MRPL21: variants seen among roughly 807,000 people sequenced by gnomAD.
MRPL21 encodes large ribosomal subunit protein bL21m.
Under a neutral mutation model 27.3 loss-of-function variants are expected in MRPL21, and 20 were observed. That is an observed-to-expected ratio of 0.73 (90% CI 0.52 to 1.06). The LOEUF (loss-of-function observed/expected upper bound fraction) is 1.06, where lower values mean the gene tolerates loss of function less well. Ranked by LOEUF, MRPL21 falls within the 50% of genes least tolerant of loss-of-function variation. The pLI is 0.00. For synonymous variants in MRPL21, 98 were observed against 101.5 expected, an observed-to-expected ratio of 0.97 and a Z score of 0.21; for missense variants, 249 against 251.4, an observed-to-expected ratio of 0.99 and a Z score of 0.06.
At chr11:68,900,996 C>A (rs1319787321) in intron 1 of MRPL21, among the ~76,000 whole-genome samples, 1 of 152,224 alleles carries the variant, frequency 6.6e-6, no homozygotes, top group African/African-American at 2.4e-5. Context: ...GTGTGTCCAA[C>A]AGCTAGTGAC....
In MRPL21 at chr11:68,903,787, GAC is replaced by G; in HGVS notation, c.22_23del (p.Val8HisfsTer45). 1 of 1,606,842 alleles carries G rather than the reference GAC, an allele frequency of 6.2e-7. No individual in the cohort carries two copies. Among genetic ancestry groups the G allele is most frequent in the Non-Finnish European group, 8.5e-7 (1 of 1,176,520 alleles). On this transcript the variant is annotated frameshift_variant, in exon 1 of 7. Coordinates refer to ENST00000362034, the MANE Select transcript of MRPL21 (RefSeq NM_181514.2). LOFTEE classifies it high-confidence loss of function. ...ACGCGGACGCCAGCCGCCCTAAGGT[GAC>G]CGTCAGGGAAGATGCTGCCATGGCC... The part of the protein sequence containing the change: MAASSLT[V>X]TLGRLASACS...
At chr11:68,896,446 G>C in intron 4 of MRPL21, 69 bp downstream of exon 4, 1 of 1,569,122 alleles carries the variant, frequency 6.4e-7, no homozygotes, top group Non-Finnish European at 8.7e-7. Context: ...CTCCGTGTGA[G>C]CTGGGGCGTG....
chr11:68,896,418 G>C (rs1449121229), intron 4 of MRPL21, 97 bp downstream of exon 4: 1 of 1,443,996 alleles, frequency 6.9e-7, no homozygotes, highest in Non-Finnish European at 9.5e-7. Context: ...CCTGAGACGG[G>C]GTCGGCGAGG....
At chr11:68,901,002 G>C (rs1428253766) in intron 1 of MRPL21, among the ~76,000 whole-genome samples, 2 of 152,188 alleles carry the variant, frequency 1.3e-5, no homozygotes, top group Non-Finnish European at 2.9e-5. Context: ...CCAACAGCTA[G>C]TGACAGACAT....
intron 4 of MRPL21, among the ~76,000 whole-genome samples, chr11:68,894,333 T>G (rs1051232008): frequency 8.5e-5 from 13 of 152,166 alleles, no homozygotes; most frequent in Admixed American, 2.0e-4. Context: ...CAGGCTGGAG[T>G]GCAGTGGCGT....
At chr11:68,896,807 C>T in intron 3 of MRPL21, 129 bp from the exon 4 acceptor site, 2 of 1,261,856 alleles carry the variant, frequency 1.6e-6, no homozygotes, top group Non-Finnish European at 2.2e-6. Flanking sequence ...GTGAGCACCT[C>T]ACTGCTGGCG....
intron 3 of MRPL21, 34 bp from the exon 4 acceptor site, chr11:68,896,712 C>T (rs917238409): frequency 1.2e-6 from 2 of 1,611,158 alleles, no homozygotes; most frequent in Non-Finnish European, 1.7e-6. Context: ...GGCAGTCACC[C>T]TCACCTGCTC....
intron 1 of MRPL21, among the ~76,000 whole-genome samples, chr11:68,903,187 T>C (rs72917818): frequency 1.3e-5 from 2 of 152,276 alleles, no homozygotes; most frequent in African/African-American, 2.4e-5. Context: ...TAAACACTCA[T>C]GCACACAAAT....
At chr11:68,902,015 C>A (rs918330376) in intron 1 of MRPL21, among the ~76,000 whole-genome samples, 1 of 152,210 alleles carries the variant, frequency 6.6e-6, no homozygotes, top group Admixed American at 6.5e-5. Flanking sequence ...GGCTTCTGTA[C>A]CTAATTTGCT....
intron 2 of MRPL21, among the ~76,000 whole-genome samples, chr11:68,899,135 G>A (rs1857874051): frequency 6.6e-6 from 1 of 152,160 alleles, no homozygotes; most frequent in East Asian, 1.9e-4. Context: ...TCAGCCTCAG[G>A]TAGGTGGAGG....
At chr11:68,893,577 G>C in intron 4 of MRPL21, 122 bp from the exon 5 acceptor site, 2 of 1,264,304 alleles carry the variant, frequency 1.6e-6, no homozygotes, top group Admixed American at 2.0e-5. Flanking sequence ...ATTGTGACAT[G>C]AATTTCATCT....
In MRPL21 at chr11:68,892,889, C is replaced by T; in HGVS notation, c.553+1G>A. 6.2e-7 allele frequency: 1 copy of T among 1,611,032 alleles called. No individual in the cohort carries two copies. Among genetic ancestry groups the T allele is most frequent in the East Asian group, 2.2e-5 (1 of 44,864 alleles). On this transcript the variant is annotated splice_donor_variant, in intron 6 of 6. Transcript: ENST00000362034. LOFTEE classifies it high-confidence loss of function. ...GCCCAGCGGTACTTTCTCTAACTTACTTCTTTTCTTCTTGAAGTTTTTCCT... is the reference window on the plus strand; with the variant it reads ...GCCCAGCGGTACTTTCTCTAACTTATTTCTTTTCTTCTTGAAGTTTTTCCT...
At chr11:68,892,835 C>G (rs779625205) in intron 6 of MRPL21, 55 bp downstream of exon 6, 11 of 1,584,794 alleles carry the variant, frequency 6.9e-6, no homozygotes, top group East Asian at 2.3e-5. Context: ...CGTCCGCATG[C>G]GCCTGGGCAA....
rs1362621367 is a variant in MRPL21 at position 68,897,021 on chromosome 11, C to T, written c.233-343G>A. Among the ~76,000 whole-genome samples, 12 of 152,260 alleles carry T rather than the reference C, an allele frequency of 7.9e-5. No individual in the cohort carries two copies. In the East Asian group the frequency reaches 1.9e-3, roughly 25 times the overall value. The stretch of plus-strand genomic sequence containing the variant: ...TAGGTTTCTACAACTCTAGGGTGGG[C>T]GAAACCCTCCACCTGGTTCATTCTC... On this transcript the variant is annotated intron_variant, in intron 3 of 6. Transcript: ENST00000362034.
At chr11:68,902,223 T>C (rs1857959087) in intron 1 of MRPL21, among the ~76,000 whole-genome samples, 1 of 152,212 alleles carries the variant, frequency 6.6e-6, no homozygotes, top group South Asian at 2.1e-4. Context: ...TCCTAATGCG[T>C]GAGTCTGTAC....
intron 2 of MRPL21, among the ~76,000 whole-genome samples, chr11:68,898,840 T>C (rs749154962): frequency 6.6e-6 from 1 of 151,490 alleles, no homozygotes; most frequent in Non-Finnish European, 1.5e-5. Context: ...CAGGCTAGAG[T>C]GCGGTGGCAT....
rs774633086 is a variant in MRPL21 at position 68,892,874 on chromosome 11, A to G, written c.553+16T>C. ...GCACCGTGCAACAGGGCCCAGCGGTACTTTCTCTAACTTACTTCTTTTCTT... is the reference window on the plus strand; with the variant it reads ...GCACCGTGCAACAGGGCCCAGCGGTGCTTTCTCTAACTTACTTCTTTTCTT... On this transcript the variant is annotated intron_variant, in intron 6 of 6. Coordinates refer to ENST00000362034, the MANE Select transcript of MRPL21 (RefSeq NM_181514.2). The G allele has an allele frequency of 3.7e-6, 6 of 1,607,038 alleles. No homozygotes were observed. In the East Asian group the frequency reaches 6.7e-5, roughly 18 times the overall value.
chr11:68,898,125 T>A (rs943189570), intron 2 of MRPL21, 113 bp from the exon 3 acceptor site: 2 of 866,028 alleles, frequency 2.3e-6, no homozygotes, highest in Non-Finnish European at 3.8e-6. Context: ...AACAAAAGGC[T>A]CGCTCTTTCG....
At position 68,892,773 on chromosome 11, in the gene MRPL21, G is replaced by A. The variant is rs1021474645; in HGVS notation, c.553+117C>T. 4 of 1,545,086 alleles carry A rather than the reference G, an allele frequency of 2.6e-6. No homozygotes were observed. In the African/African-American group the frequency reaches 5.5e-5, roughly 21 times the overall value. ...GTGGCAAGTGGGCAGTGGCAGCCAGGTTGAGACCTGCCTGGGCTTCCTGTC... is the reference window on the plus strand; with the variant it reads ...GTGGCAAGTGGGCAGTGGCAGCCAGATTGAGACCTGCCTGGGCTTCCTGTC... On this transcript the variant is annotated intron_variant, in intron 6 of 6. Transcript: ENST00000362034.
Sources: allele counts gnomAD v4.1 joint callset (sites outside exome capture counted in the v4.1 genomes callset), GRCh38; gene constraint gnomAD v4.1.1; transcripts MANE v1.5; gene names NCBI Gene and HGNC (gene_info 2026-07-23, HGNC 2026-07-21).